Variants in SLC35A3 observed in about 807,000 individuals in gnomAD.
The protein encoded by SLC35A3 is UDP-N-acetylglucosamine transporter.
In SLC35A3, 26 loss-of-function variants were observed where a neutral mutation model predicts 39.0. The ratio of observed to expected loss-of-function variants is 0.67; its 90% CI spans 0.49 to 0.92. The LOEUF (loss-of-function observed/expected upper bound fraction) is 0.92, where lower values mean the gene tolerates loss of function less well. Among genes scored for constraint, SLC35A3 ranks in the 40% least tolerant of loss-of-function variants. The pLI is 0.00. For missense variants in SLC35A3, 299 were observed against 371.6 expected (o/e 0.80, Z 1.61); for synonymous variants, 135 against 133.1 (o/e 1.01, Z -0.10).
chr1:100,022,464 C>A lies in SLC35A3; in HGVS notation c.966C>A (p.Pro322=). 6.3e-7 allele frequency: 1 copy of A among 1,582,706 alleles called. No individual in the cohort carries two copies. Among genetic ancestry groups the A allele is most frequent in the Non-Finnish European group, 8.7e-7 (1 of 1,153,256 alleles). The change falls in exon 8 of 8, where the codon CCC becomes CCA. Residue 322 remains proline (P), a synonymous_variant. Coordinates refer to ENST00000533028, the MANE Select transcript of SLC35A3 (RefSeq NM_012243.3). ...ATGATCCCAAACCTGCAGGAAATCC[C>A]ACTAAAGCATAGTTGTATACTATCT... ...YGYDPKPAGN[P]TKA
At chr1:100,015,271 G>A (rs368809225) in intron 5 of SLC35A3, 31 bp from the exon 6 acceptor site, 11 of 1,525,562 alleles carry the variant, frequency 7.2e-6, no homozygotes, top group East Asian at 4.8e-5. Context: ...CAAACTAAAC[G>A]ATATATCATG....
At chr1:100,011,589 A>G (rs1659643153) in intron 5 of SLC35A3, 56 bp downstream of exon 5, 1 of 630,526 alleles carries the variant, frequency 1.6e-6, no homozygotes. Context: ...TGTTATATTT[A>G]AAGATTTCTA....
At chr1:100,018,575 G>A (rs935197459) in intron 7 of SLC35A3, among the ~76,000 whole-genome samples, 33 of 152,008 alleles carry the variant, frequency 2.2e-4, no homozygotes, top group Non-Finnish European at 1.5e-5. Context: ...TGTCACCCAG[G>A]TTGCAGTGCA....
At chr1:100,002,496 G>A (rs775539537) in intron 3 of SLC35A3, among the ~76,000 whole-genome samples, 1 of 151,474 alleles carries the variant, frequency 6.6e-6, no homozygotes, top group African/African-American at 2.4e-5. Flanking sequence ...TTTTTTTCTT[G>A]GTTAGTCTAG....
At chr1:99,997,136 T>G (rs1658444714) in intron 2 of SLC35A3, among the ~76,000 whole-genome samples, 1 of 151,856 alleles carries the variant, frequency 6.6e-6, no homozygotes, top group South Asian at 2.1e-4. Context: ...AATCCCTTTC[T>G]CCCTTTCTTG....
chr1:99,991,680 C>T (rs1435917187), intron 1 of SLC35A3, among the ~76,000 whole-genome samples: 3 of 152,210 alleles, frequency 2.0e-5, no homozygotes, highest in African/African-American at 7.2e-5. Flanking sequence ...ATGTGATCAT[C>T]ACTAGGAAAG....
intron 3 of SLC35A3, among the ~76,000 whole-genome samples, 170 bp from the exon 4 acceptor site, chr1:100,006,864 A>C (rs995507526): frequency 1.3e-5 from 2 of 152,252 alleles, no homozygotes; most frequent in Admixed American, 1.3e-4. Flanking sequence ...TCTGGTACAT[A>C]GTACAGATTC....
In SLC35A3 at chr1:100,021,300, G is replaced by C. The variant is rs573846301; in HGVS notation, c.888-1086G>C. On this transcript the variant is annotated intron_variant, in intron 7 of 7. Coordinates refer to ENST00000533028, the MANE Select transcript of SLC35A3 (RefSeq NM_012243.3). The stretch of plus-strand genomic sequence containing the variant: ...AATTGCTTGAACCTGGGAGGCGGAG[G>C]TTGCAGTGAGCCGAGATCACACCAC... 2.8e-4 allele frequency among the ~76,000 whole-genome samples: 42 copies of C among 151,716 alleles called. No homozygotes were observed. The South Asian group carries it at 8.8e-3, about 32-fold the overall frequency.
intron 4 of SLC35A3, among the ~76,000 whole-genome samples, chr1:100,010,215 G>T (rs1183878982): frequency 6.6e-6 from 1 of 152,124 alleles, no homozygotes; most frequent in Admixed American, 6.5e-5. Flanking sequence ...TTGGAGGAGA[G>T]AACACGGAAA....
chr1:100,001,954 T>C (rs1658849488), intron 3 of SLC35A3, among the ~76,000 whole-genome samples: 2 of 152,242 alleles, frequency 1.3e-5, no homozygotes, highest in Non-Finnish European at 2.9e-5. Flanking sequence ...GGATAAATCC[T>C]ACTTGATTAT....
intron 1 of SLC35A3, 125 bp from the exon 2 acceptor site, chr1:99,993,412 C>A: frequency 6.6e-6 from 4 of 606,596 alleles, no homozygotes; most frequent in Non-Finnish European, 2.7e-6. Flanking sequence ...TTTCTTTTTT[C>A]TTTTTGGTGG....
intron 1 of SLC35A3, among the ~76,000 whole-genome samples, chr1:99,989,320 G>T (rs1657938755): frequency 6.6e-6 from 1 of 151,808 alleles, no homozygotes; most frequent in African/African-American, 2.4e-5. Flanking sequence ...TTTTACTCTT[G>T]TTGCCCACAC....
chr1:100,025,897 G>A lies in SLC35A3; in HGVS notation c.*3421G>A, dbSNP rs1430577062. On this transcript the variant is annotated 3_prime_UTR_variant, in exon 8 of 8. Transcript: ENST00000533028. ...AAGAATATGGTATTTGGGAAGAAAA[G>A]TTTGAAATGCAACAAATGGATATTT... 5 of 152,118 alleles carry A rather than the reference G, an allele frequency of 3.3e-5. No homozygotes were observed. Among genetic ancestry groups the A allele is most frequent in the African/African-American group, 9.7e-5 (4 of 41,422 alleles). The allele number at this position is 152,118 out of a possible 1,614,324, so 9.4% of individuals were successfully genotyped here. A position where few individuals can be genotyped will look rare whatever the true frequency, so the allele number is the denominator to read the frequency against.
At chr1:99,972,167 T>C (rs923862297) in intron 1 of SLC35A3, among the ~76,000 whole-genome samples, 10 of 152,030 alleles carry the variant, frequency 6.6e-5, no homozygotes, top group Non-Finnish European at 1.2e-4. Context: ...TCCCAAAGTG[T>C]TGGGATTACA....
chr1:100,010,952 C>G (rs1659589570), intron 4 of SLC35A3, among the ~76,000 whole-genome samples: 1 of 152,094 alleles, frequency 6.6e-6, no homozygotes, highest in Admixed American at 6.5e-5. Context: ...CCAACAGCTT[C>G]CCTTTATTAT....
intron 1 of SLC35A3, chr1:99,970,637 T>C (rs1473863812): frequency 2.6e-6 from 4 of 1,535,864 alleles, no homozygotes; most frequent in Non-Finnish European, 3.5e-6. Flanking sequence ...ATGGAAAGGC[T>C]GCCCTTGGTA....
chr1:100,004,946 G>A (rs144653792), intron 3 of SLC35A3, among the ~76,000 whole-genome samples: 7,319 of 151,756 alleles, frequency 0.048, 204 homozygotes, highest in African/African-American at 0.067. Context: ...TAGTAGAGAC[G>A]GGGTTTCATC....
In SLC35A3 at chr1:100,022,387, G is replaced by A. The variant is rs1344626363; in HGVS notation, c.889G>A (p.Val297Ile). The A allele has an allele frequency of 6.5e-7, 1 of 1,537,142 alleles. No homozygotes were observed. Among genetic ancestry groups the A allele is most frequent in the Non-Finnish European group, 9.0e-7 (1 of 1,115,002 alleles). ...TTATTTTGTCTTCATCTTATTCAGT[G>A]TCTTTTTCCTTGGAGCCATCCTTGT... ...FWLQDFVPTS[V>I]FFLGAILVIT... The change falls in exon 8 of 8, where the codon GTC becomes ATC. Residue 297 changes from valine (V) to isoleucine (I), a missense_variant and splice_region_variant. Transcript: ENST00000533028.
rs144909533 is a variant in SLC35A3 at position 100,027,479 on chromosome 1, A to G, written c.*5003A>G. The G allele has an allele frequency of 1.3e-3, 414 of 308,074 alleles. 2 individuals carry two copies. The highest frequency in any genetic ancestry group is 6.8e-3 in the African/African-American group (317 of 46,902). 19.1% of individuals were successfully genotyped at this position (308,074 alleles called of 1,614,324 possible). On this transcript the variant is annotated 3_prime_UTR_variant, in exon 8 of 8. Transcript: ENST00000533028. ...AACAAACAAAACAAAAACTGAAACA[A>G]CAAAAAAAGACTGGGTTTATTTAAG...
Sources: allele counts gnomAD v4.1 joint callset (sites outside exome capture counted in the v4.1 genomes callset), GRCh38; gene constraint gnomAD v4.1.1; transcripts MANE v1.5; gene names NCBI Gene and HGNC (gene_info 2026-07-23, HGNC 2026-07-21).